The following PBX3 variants were observed in gnomAD, a reference collection of about 807,000 sequenced individuals.
PBX3 encodes PBX homeobox 3.
PBX3 carries 14 observed loss-of-function variants against 48.5 expected under a neutral mutation model. That is an observed-to-expected ratio of 0.29 (90% CI 0.19 to 0.45). The LOEUF (loss-of-function observed/expected upper bound fraction) is 0.45. PBX3 is among the 20% of genes least tolerant of loss of function. The pLI, the probability that PBX3 is intolerant of heterozygous loss-of-function variation, is 1.00. For missense variants in PBX3, 386 were observed against 546.7 expected, an observed-to-expected ratio of 0.71 and a Z score of 2.93; for synonymous variants, 210 against 200.3, an observed-to-expected ratio of 1.05 and a Z score of -0.41.
At chr9:125,944,344 C>G (rs1254684017) in intron 5 of PBX3, among the ~76,000 whole-genome samples, 1 of 152,180 alleles carries the variant, frequency 6.6e-6, no homozygotes, top group African/African-American at 2.4e-5. Context: ...GCCAAAGGTA[C>G]TTACCAGGAT....
At chr9:125,812,213 A>G (rs1588171570) in intron 2 of PBX3, among the ~76,000 whole-genome samples, 1 of 151,992 alleles carries the variant, frequency 6.6e-6, no homozygotes, top group Non-Finnish European at 1.5e-5. Flanking sequence ...ATACCAAGAC[A>G]CCTCCCAAAG....
At chr9:125,841,159 A>C (rs1227540996) in intron 2 of PBX3, among the ~76,000 whole-genome samples, 1 of 152,196 alleles carries the variant, frequency 6.6e-6, no homozygotes, top group Admixed American at 6.5e-5. Flanking sequence ...GAGAGGTTTA[A>C]TAAATTGTCT....
chr9:125,891,754 T>C (rs1840650111), intron 2 of PBX3, among the ~76,000 whole-genome samples: 1 of 152,230 alleles, frequency 6.6e-6, no homozygotes, highest in Admixed American at 6.5e-5. Flanking sequence ...TGTATCATTA[T>C]CTGTACATAT....
At chr9:125,899,185 T>G (rs1328216368) in intron 2 of PBX3, among the ~76,000 whole-genome samples, 1 of 145,880 alleles carries the variant, frequency 6.9e-6, no homozygotes, top group African/African-American at 2.5e-5. Flanking sequence ...CTTCACATTC[T>G]TTAGATGATA....
At chr9:125,784,832 T>C (rs1006736796) in intron 2 of PBX3, among the ~76,000 whole-genome samples, 23 of 107,406 alleles carry the variant, frequency 2.1e-4, no homozygotes, top group African/African-American at 5.6e-4. Flanking sequence ...TGTGCCTTAG[T>C]TTTTACTTTC....
intron 2 of PBX3, among the ~76,000 whole-genome samples, chr9:125,818,225 C>A (rs868018978): frequency 6.6e-6 from 1 of 151,252 alleles, no homozygotes; most frequent in Non-Finnish European, 1.5e-5. Context: ...AAAACAAAAA[C>A]CAAAACCAGA....
chr9:125,789,138 T>C (rs940530991), intron 2 of PBX3, among the ~76,000 whole-genome samples: 17 of 152,240 alleles, frequency 1.1e-4, no homozygotes, highest in Non-Finnish European at 2.9e-5. Flanking sequence ...TATTCTATTG[T>C]GATTATTCTG....
chr9:125,831,571 G>A, intron 2 of PBX3, among the ~76,000 whole-genome samples: 1 of 152,248 alleles, frequency 6.6e-6, no homozygotes, highest in Admixed American at 6.5e-5. Context: ...TGGAAAGGCA[G>A]TATAAAATAT....
chr9:125,955,275 C>T (rs2118786533), intron 5 of PBX3, among the ~76,000 whole-genome samples: 1 of 152,270 alleles, frequency 6.6e-6, no homozygotes, highest in South Asian at 2.1e-4. Flanking sequence ...CAGAGCTTCT[C>T]CCGCTTCCTC....
intron 2 of PBX3, among the ~76,000 whole-genome samples, chr9:125,840,243 T>C (rs1170623147): frequency 6.6e-6 from 1 of 152,030 alleles, no homozygotes; most frequent in African/African-American, 2.4e-5. Context: ...TTTTTCAGGA[T>C]GGAGTTTTTT....
At chr9:125,965,682 A>G in intron 8 of PBX3, 149 bp from the exon 9 acceptor site, 1 of 655,754 alleles carries the variant, frequency 1.5e-6, no homozygotes, top group Non-Finnish European at 2.8e-6. Flanking sequence ...TCCCACTTTA[A>G]CACATGCTGC....
At chr9:125,915,226 A>G (rs1191020750) in intron 2 of PBX3, among the ~76,000 whole-genome samples, 1 of 152,154 alleles carries the variant, frequency 6.6e-6, no homozygotes. Context: ...TAACTATTTT[A>G]TGGGAATTTT....
intron 2 of PBX3, among the ~76,000 whole-genome samples, chr9:125,830,703 T>G (rs1194290648): frequency 1.3e-5 from 2 of 152,138 alleles, no homozygotes; most frequent in African/African-American, 4.8e-5. Flanking sequence ...ATTATCTCAT[T>G]CAAACTTAAT....
chr9:125,834,182 A>G (rs1839050128), intron 2 of PBX3, among the ~76,000 whole-genome samples: 1 of 152,208 alleles, frequency 6.6e-6, no homozygotes, highest in Non-Finnish European at 1.5e-5. Context: ...GATAAACATT[A>G]TGAAGTATTG....
chr9:125,761,700 C>G (rs1836672206), intron 2 of PBX3, among the ~76,000 whole-genome samples: 1 of 152,142 alleles, frequency 6.6e-6, no homozygotes, highest in African/African-American at 2.4e-5. Context: ...ACAGGCAGCA[C>G]TATGTGTTTT....
At chr9:125,890,868 T>C (rs1179088520) in intron 2 of PBX3, among the ~76,000 whole-genome samples, 4 of 152,190 alleles carry the variant, frequency 2.6e-5, no homozygotes, top group Admixed American at 6.5e-5. Flanking sequence ...TCCATGGTAA[T>C]ATTTTGTGCT....
intron 3 of PBX3, among the ~76,000 whole-genome samples, chr9:125,926,054 A>T (rs1352634771): frequency 6.6e-6 from 1 of 152,230 alleles, no homozygotes; most frequent in Non-Finnish European, 1.5e-5. Context: ...GAATAGTTCT[A>T]CTTCAATTAT....
chr9:125,779,652 T>A (rs1449476751), intron 2 of PBX3, among the ~76,000 whole-genome samples: 3 of 131,230 alleles, frequency 2.3e-5, no homozygotes, highest in Admixed American at 8.0e-5. Flanking sequence ...GTCTCCCATG[T>A]CTACTTCTTT....
chr9:125,871,094 A>G (rs966090523), intron 2 of PBX3, among the ~76,000 whole-genome samples: 1 of 152,178 alleles, frequency 6.6e-6, no homozygotes, highest in Non-Finnish European at 1.5e-5. Context: ...ATTGTAAACA[A>G]TGGCTAAAAA....
Sources: allele counts gnomAD v4.1 joint callset (sites outside exome capture counted in the v4.1 genomes callset), GRCh38; gene constraint gnomAD v4.1.1; transcripts MANE v1.5; gene names NCBI Gene and HGNC (gene_info 2026-07-23, HGNC 2026-07-21).